Variants in KCNJ18 observed in about 807,000 individuals in gnomAD.
KCNJ18 encodes potassium inwardly rectifying channel subfamily J member 18.
A neutral mutation model predicts 17.3 loss-of-function variants in KCNJ18; 16 were observed. The ratio of observed to expected loss-of-function variants is 0.92; its 90% confidence interval spans 0.62 to 1.40. KCNJ18 has a LOEUF of 1.40. Among genes scored for constraint, KCNJ18 ranks in the 40% most tolerant of loss-of-function variants. KCNJ18 has a pLI of 0.00. For missense variants in KCNJ18, 462 were observed against 626.8 expected (o/e 0.74, Z 2.81); for synonymous variants, 185 against 262.6 (o/e 0.70, Z 2.86).
chr17:21,703,917 T>A lies in KCNJ18; in HGVS notation c.1131T>A (p.Tyr377Ter), dbSNP rs1389679907. The A allele has an allele frequency of 1.9e-6, 3 of 1,611,318 alleles. No individual in the cohort carries two copies. Among genetic ancestry groups the A allele is most frequent in the East Asian group, 4.5e-5 (2 of 44,820 alleles). Residue 377 changes from tyrosine (Y) to a stop codon, truncating the protein, a stop_gained, in exon 3 of 3, where the codon TAT (tyrosine) becomes TAA (stop). Coordinates refer to ENST00000567955, the MANE Select transcript of KCNJ18 (RefSeq NM_001194958.2). LOFTEE classifies it low-confidence loss of function (END_TRUNC). The stretch of plus-strand genomic sequence containing the variant: ...TGCCCAGTGCCAACTCCTTCTGCTA[T>A]GAGAACGAGCTGGCCTTCCTGAGCC... Reference protein sequence around the residue: ...FLLPSANSFCYENELAFLSRD... With the variant: ...FLLPSANSFC
In KCNJ18 at chr17:21,703,967, G is replaced by C. The variant is rs1906073315; in HGVS notation, c.1181G>C (p.Gly394Ala). 6.2e-6 allele frequency: 10 copies of C among 1,606,564 alleles called. No homozygotes were observed. The highest frequency in any genetic ancestry group is 1.8e-4 in the Middle Eastern group (1 of 5,600). ...LSRDEEDEAD[G>A]DQDGRSRDGL... ...CGTGACGAGGAGGATGAGGCGGACG[G>C]AGACCAGGACGGCCGAAGCCGGGAT... The change falls in exon 3 of 3, where the codon GGA becomes GCA. Residue 394 changes from glycine to alanine, a missense_variant. Coordinates refer to ENST00000567955, the MANE Select transcript of KCNJ18 (RefSeq NM_001194958.2).
At chr17:21,693,087 C>T (rs1337743557) in intron 1 of KCNJ18, among the ~76,000 whole-genome samples, 2 of 152,306 alleles carry the variant, frequency 1.3e-5, no homozygotes, top group African/African-American at 4.8e-5. Context: ...CCCCTGCAGC[C>T]CACCTCCCCA....
At chr17:21,701,455 C>T (rs1905947065) in intron 2 of KCNJ18, among the ~76,000 whole-genome samples, 1 of 152,268 alleles carries the variant, frequency 6.6e-6, no homozygotes, top group African/African-American at 2.4e-5. Context: ...AGCCAGGGAG[C>T]AGCCCATGTC....
At chr17:21,696,741 T>A (rs1238289564) in intron 2 of KCNJ18, among the ~76,000 whole-genome samples, 1 of 151,732 alleles carries the variant, frequency 6.6e-6, no homozygotes, top group Admixed American at 6.6e-5. Flanking sequence ...AGAAGGCAGC[T>A]CAGTATTGTG....
chr17:21,696,778 G>A (rs1379329554), intron 2 of KCNJ18, among the ~76,000 whole-genome samples: 1 of 152,134 alleles, frequency 6.6e-6, no homozygotes, highest in Non-Finnish European at 1.5e-5. Flanking sequence ...AGGAAGAGCA[G>A]GAGGAGACTT....
chr17:21,701,766 C>T (rs1336667849), intron 2 of KCNJ18, among the ~76,000 whole-genome samples: 5 of 152,292 alleles, frequency 3.3e-5, no homozygotes, highest in South Asian at 2.1e-4. Flanking sequence ...CAAAAGTTAG[C>T]TGGATGTGGT....
At chr17:21,694,478 G>A (rs1905695499) in intron 1 of KCNJ18, among the ~76,000 whole-genome samples, 2 of 152,132 alleles carry the variant, frequency 1.3e-5, no homozygotes, top group African/African-American at 4.8e-5. Flanking sequence ...CATGTAGTTA[G>A]CCATGTGCCC....
At chr17:21,702,629 C>T in intron 2 of KCNJ18, 102 bp from the exon 3 acceptor site, 1 of 830,410 alleles carries the variant, frequency 1.2e-6, no homozygotes, top group Non-Finnish European at 1.9e-6. Flanking sequence ...GTGGGTCAAT[C>T]AGGGTGGAAG....
intron 2 of KCNJ18, among the ~76,000 whole-genome samples, chr17:21,702,136 A>C (rs1248200103): frequency 1.2e-4 from 19 of 152,102 alleles, no homozygotes; most frequent in Non-Finnish European, 5.9e-5. Context: ...GTGGCGAGGC[A>C]GTGGCAGGAT....
intron 2 of KCNJ18, among the ~76,000 whole-genome samples, chr17:21,700,083 C>T (rs1177803262): frequency 9.2e-5 from 14 of 152,388 alleles, no homozygotes; most frequent in African/African-American, 3.1e-4. Context: ...TTTCCCAGCA[C>T]AGCCTCAGGG....
In KCNJ18 at chr17:21,702,601, C is replaced by A. The variant is rs1905996945; in HGVS notation, c.-56-130C>A. ...AGGCGGAGTGGGGAGCTGGCTTAGG[C>A]AAGACCAGAGCATGATTGTGGGTCA... is the stretch of plus-strand genomic sequence containing the variant. On this transcript the variant is annotated intron_variant, in intron 2 of 2. Coordinates refer to ENST00000567955, the MANE Select transcript of KCNJ18 (RefSeq NM_001194958.2). 81 of 796,692 alleles carry A rather than the reference C, an allele frequency of 1.0e-4. No individual in the cohort carries two copies. In the East Asian group the frequency reaches 2.2e-3, roughly 21 times the overall value. 49.4% of individuals were successfully genotyped at this position (796,692 alleles called of 1,614,324 possible).
intron 2 of KCNJ18, among the ~76,000 whole-genome samples, chr17:21,698,483 G>T (rs1416559760): frequency 9.2e-5 from 14 of 152,102 alleles, no homozygotes; most frequent in East Asian, 3.9e-4. Flanking sequence ...GGCTGTTGGC[G>T]CCTCCCCCTC....
At chr17:21,701,293 G>T (rs1331378191) in intron 2 of KCNJ18, among the ~76,000 whole-genome samples, 2 of 152,306 alleles carry the variant, frequency 1.3e-5, no homozygotes, top group Non-Finnish European at 2.9e-5. Flanking sequence ...GCAGTAGGCT[G>T]GCCTGGAGCC....
intron 1 of KCNJ18, among the ~76,000 whole-genome samples, chr17:21,694,145 G>T (rs1229718365): frequency 2.0e-5 from 3 of 152,258 alleles, no homozygotes; most frequent in Admixed American, 6.5e-5. Flanking sequence ...TGATGTGGGG[G>T]TGACTCACCA....
At position 21,703,962 on chromosome 17, in the gene KCNJ18, G is replaced by A. The variant is rs1339979683; in HGVS notation, c.1176G>A (p.Ala392=). ...AFLSRDEEDE[A]DGDQDGRSRD... ...TGAGCCGTGACGAGGAGGATGAGGC[G>A]GACGGAGACCAGGACGGCCGAAGCC... is the stretch of plus-strand genomic sequence containing the variant. Residue 392 remains alanine, a synonymous_variant, in exon 3 of 3, where the codon GCG becomes GCA. Coordinates refer to ENST00000567955, the MANE Select transcript of KCNJ18 (RefSeq NM_001194958.2). 4.2e-5 allele frequency: 68 copies of A among 1,607,104 alleles called. No homozygotes were observed. The East Asian group carries it at 4.9e-4, about 12-fold the overall frequency.
At chr17:21,693,142 G>T (rs1330221343) in intron 1 of KCNJ18, among the ~76,000 whole-genome samples, 1 of 152,308 alleles carries the variant, frequency 6.6e-6, no homozygotes, top group African/African-American at 2.4e-5. Context: ...GTGGGACTTG[G>T]CGGGGTGAGC....
In KCNJ18 at chr17:21,703,581, G is replaced by A; in HGVS notation, c.795G>A (p.Val265=). ...FDKGLDRIFL[V]SPITILHEID... is the part of the protein sequence containing the mutation. ...AGGGCCTGGACCGCATCTTTCTGGT[G>A]TCGCCCATCACCATCTTGCATGAAA... The change falls in exon 3 of 3, where the codon GTG becomes GTA. Residue 265 remains valine (V), a synonymous_variant. Coordinates refer to ENST00000567955, the MANE Select transcript of KCNJ18 (RefSeq NM_001194958.2). The A allele has an allele frequency of 6.2e-7, 1 of 1,612,880 alleles. No homozygotes were observed. The highest frequency in any genetic ancestry group is 8.5e-7 in the Non-Finnish European group (1 of 1,179,482).
rs1369136696 is a variant in KCNJ18 at position 21,704,044 on chromosome 17, G to A, written c.1258G>A (p.Gly420Arg). The change falls in exon 3 of 3, where the codon GGG becomes AGG. Residue 420 changes from glycine (G) to arginine (R), a missense_variant. Gly to Arg is a moderately radical substitution (Grantham distance 125). Coordinates refer to ENST00000567955, the MANE Select transcript of KCNJ18 (RefSeq NM_001194958.2). ...CTTTGACAGACTCCAGGCTGGCGGC[G>A]GGGTCCTGGAGCAGCGGCCCTACAG... is the stretch of plus-strand genomic sequence containing the variant. ...HDFDRLQAGG[G>R]VLEQRPYRRG... 13 of 1,569,034 alleles carry A rather than the reference G, an allele frequency of 8.3e-6. No homozygotes were observed. Among genetic ancestry groups the A allele is most frequent in the Middle Eastern group, 2.1e-4 (1 of 4,682 alleles).
At position 21,696,057 on chromosome 17, in the gene KCNJ18, A is replaced by G. The variant is rs1424996494; in HGVS notation, c.-104A>G. The G allele has an allele frequency of 6.6e-6, 1 of 152,352 alleles. No homozygotes were observed. Among genetic ancestry groups the G allele is most frequent in the Admixed American group, 6.5e-5 (1 of 15,290 alleles). 9.4% of individuals were successfully genotyped at this position (152,352 alleles called of 1,614,324 possible). The stretch of plus-strand genomic sequence containing the variant: ...CCACTACTAATTCAGCCTTGAAGAC[A>G]GTACCGTGCCTACTCAGCACCATTA... On this transcript the variant is annotated 5_prime_UTR_variant, in exon 2 of 3. Transcript: ENST00000567955.
Sources: gnomAD v4.1 joint callset for allele counts (sites outside exome capture counted in the v4.1 genomes callset) on GRCh38, gnomAD v4.1.1 for gene constraint, MANE v1.5 for transcripts, NCBI Gene and HGNC (gene_info 2026-07-23, HGNC 2026-07-21) for gene names.